The following PRR16 variants were observed in gnomAD, a reference collection of about 807,000 sequenced individuals.
PRR16 encodes proline rich 16, also known as protein Largen.
Under a neutral mutation model 18.2 loss-of-function variants are expected in PRR16, and 6 were observed. The ratio of observed to expected loss-of-function variants is 0.33; its 90% CI spans 0.18 to 0.65. The LOEUF (loss-of-function observed/expected upper bound fraction) is 0.65. Ranked by LOEUF, PRR16 falls within the 30% of genes least tolerant of loss-of-function variation. The pLI is 0.74. For missense variants in PRR16, 412 were observed against 376.6 expected (o/e 1.09, Z -0.78); for synonymous variants, 151 against 147.8 (o/e 1.02, Z -0.16).
rs966798547 is a variant in PRR16 at position 120,663,897 on chromosome 5, G to T, written c.160-22057G>T. ...ACAACCCATTTTCAAGTGGACTAAA[G>T]GTAACTATTGTTTACTGATAATAAA... On this transcript the variant is annotated intron_variant, in intron 1 of 1. Transcript: ENST00000407149. 3.9e-5 allele frequency among the ~76,000 whole-genome samples: 6 copies of T among 151,990 alleles called. No homozygotes were observed. The East Asian group carries it at 1.2e-3, about 29-fold the overall frequency.
At chr5:120,709,302 C>A in the PRR16 span, among the ~76,000 whole-genome samples, 1 of 151,842 alleles carries the variant, frequency 6.6e-6, no homozygotes, top group African/African-American at 2.4e-5. Context: ...CCACCGCACC[C>A]GGCCGCAATT....
chr5:120,522,498 C>T (rs184060574), intron 1 of PRR16, among the ~76,000 whole-genome samples: 24 of 152,300 alleles, frequency 1.6e-4, no homozygotes, highest in African/African-American at 2.9e-4. Context: ...TCATATCCTT[C>T]GCCCACTTTT....
At chr5:120,613,162 TA>T (rs1754388492) in intron 1 of PRR16, among the ~76,000 whole-genome samples, 1 of 152,174 alleles carries the variant, frequency 6.6e-6, no homozygotes, top group Non-Finnish European at 1.5e-5. Context: ...TAATGTCAAG[TA>T]AAATGAAGGA....
At chr5:120,540,515 G>A (rs140891644) in intron 1 of PRR16, among the ~76,000 whole-genome samples, 3 of 152,220 alleles carry the variant, frequency 2.0e-5, no homozygotes, top group East Asian at 1.9e-4. Flanking sequence ...TTTTGGTCAC[G>A]TAGCCTTGTA....
chr5:120,784,178 G>GAT, the PRR16 span, among the ~76,000 whole-genome samples: 5 of 152,252 alleles, frequency 3.3e-5, no homozygotes, highest in Non-Finnish European at 7.4e-5. Context: ...TGGGAGTGCA[G>GAT]ATATCTCTTA....
intron 1 of PRR16, among the ~76,000 whole-genome samples, chr5:120,548,235 A>G (rs574411838): frequency 2.0e-5 from 3 of 152,224 alleles, no homozygotes; most frequent in East Asian, 1.9e-4. Context: ...AACTGTAAAT[A>G]TATTCACTTT....
chr5:120,788,516 T>C, the PRR16 span, among the ~76,000 whole-genome samples: 1 of 152,102 alleles, frequency 6.6e-6, no homozygotes, highest in African/African-American at 2.4e-5. Context: ...GGACTATTGC[T>C]TGTTCATTAA....
intron 1 of PRR16, among the ~76,000 whole-genome samples, chr5:120,670,696 G>A (rs987128919): frequency 6.6e-6 from 1 of 152,050 alleles, no homozygotes; most frequent in Non-Finnish European, 1.5e-5. Context: ...TTAAACCAAG[G>A]ATAATGTCCC....
At chr5:120,758,327 G>A in the PRR16 span, among the ~76,000 whole-genome samples, 1 of 151,954 alleles carries the variant, frequency 6.6e-6, no homozygotes, top group Non-Finnish European at 1.5e-5. Flanking sequence ...GCTGGGCTCT[G>A]TATCATAGGC....
At chr5:120,713,974 C>G in the PRR16 span, among the ~76,000 whole-genome samples, 2 of 152,004 alleles carry the variant, frequency 1.3e-5, no homozygotes, top group African/African-American at 4.8e-5. Flanking sequence ...TGATACATTT[C>G]CGAGACCCAT....
At chr5:120,582,895 G>C (rs760705725) in intron 1 of PRR16, among the ~76,000 whole-genome samples, 1 of 152,218 alleles carries the variant, frequency 6.6e-6, no homozygotes, top group Admixed American at 6.5e-5. Flanking sequence ...CTAAAGCAAG[G>C]TGGCTTGAAA....
At chr5:120,771,693 C>T in the PRR16 span, among the ~76,000 whole-genome samples, 1 of 152,054 alleles carries the variant, frequency 6.6e-6, no homozygotes. Flanking sequence ...GCTCTCAACT[C>T]AGAGTGCTCC....
chr5:120,544,015 A>G (rs942088396), intron 1 of PRR16, among the ~76,000 whole-genome samples: 5 of 152,144 alleles, frequency 3.3e-5, no homozygotes, highest in Admixed American at 1.3e-4. Flanking sequence ...GGCTGTGGAG[A>G]TAATCTAGGC....
the PRR16 span, among the ~76,000 whole-genome samples, chr5:120,765,301 A>AC: frequency 1.3e-5 from 2 of 151,996 alleles, no homozygotes; most frequent in African/African-American, 4.8e-5. Flanking sequence ...AAGAAGTTGA[A>AC]TGTATCTTAG....
intron 1 of PRR16, among the ~76,000 whole-genome samples, chr5:120,491,536 T>C (rs771904545): frequency 4.0e-5 from 6 of 151,438 alleles, no homozygotes; most frequent in Non-Finnish European, 8.8e-5. Context: ...TCTTTTTCTC[T>C]CTTTCTCTCT....
At chr5:120,579,479 G>C (rs890116030) in intron 1 of PRR16, among the ~76,000 whole-genome samples, 5 of 152,180 alleles carry the variant, frequency 3.3e-5, no homozygotes, top group South Asian at 2.1e-4. Context: ...TGGCTAGCCA[G>C]TTTTCCCAGC....
rs138334219 is a variant in PRR16, at chr5:120,530,933, T to C, written c.159+66288T>C. On this transcript the variant is annotated intron_variant, in intron 1 of 1. Coordinates refer to ENST00000407149, the MANE Select transcript of PRR16 (RefSeq NM_001300783.2). ...TAAGATAGAATCTTGCAATTTTACC[T>C]ATGTCATTTCATGAAGTGCATACCT... Among the ~76,000 whole-genome samples the C allele has an allele frequency of 3.4e-3, 513 of 152,310 alleles. 6 individuals carry two copies. The highest frequency in any genetic ancestry group is 0.012 in the African/African-American group (499 of 41,574).
chr5:120,748,563 A>G, the PRR16 span, among the ~76,000 whole-genome samples: 1 of 152,140 alleles, frequency 6.6e-6, no homozygotes, highest in Non-Finnish European at 1.5e-5. Flanking sequence ...TAAAATTTTA[A>G]TAAGTCTATG....
At chr5:120,694,477 G>A in the PRR16 span, among the ~76,000 whole-genome samples, 3 of 152,082 alleles carry the variant, frequency 2.0e-5, no homozygotes, top group African/African-American at 7.2e-5. Context: ...GAGGTCAGGA[G>A]ATCGAGACCA....
Sources: gnomAD v4.1 joint callset for allele counts (sites outside exome capture counted in the v4.1 genomes callset) on GRCh38, gnomAD v4.1.1 for gene constraint, MANE v1.5 for transcripts, NCBI Gene and HGNC (gene_info 2026-07-23, HGNC 2026-07-21) for gene names.